The following SMAD1 variants were observed in gnomAD, a reference collection of about 807,000 sequenced individuals.
SMAD1 encodes the protein MAD, mothers against decapentaplegic homolog 1.
In SMAD1, 6 loss-of-function variants were observed where a neutral mutation model predicts 41.6. The ratio of observed to expected loss-of-function variants is 0.14; its 90% CI spans 0.08 to 0.28. The LOEUF (loss-of-function observed/expected upper bound fraction) is 0.28, where lower values mean the gene tolerates loss of function less well. Ranked by LOEUF, SMAD1 falls within the 10% of genes least tolerant of loss-of-function variation. The pLI, the probability that SMAD1 is intolerant of heterozygous loss-of-function variation, is 1.00. For missense variants in SMAD1, 379 were observed against 582.6 expected, an observed-to-expected ratio of 0.65 and a Z score of 3.60; for synonymous variants, 206 against 203.2, an observed-to-expected ratio of 1.01 and a Z score of -0.12.
chr4:145,541,558 G>C (rs536090038), intron 3 of SMAD1, among the ~76,000 whole-genome samples: 1 of 152,176 alleles, frequency 6.6e-6, no homozygotes, highest in Non-Finnish European at 1.5e-5. Context: ...TCCAGAGAAG[G>C]TCCCAGTAGT....
intron 2 of SMAD1, among the ~76,000 whole-genome samples, chr4:145,533,967 G>T (rs1024379241): frequency 1.3e-5 from 2 of 152,152 alleles, no homozygotes; most frequent in African/African-American, 4.8e-5. Flanking sequence ...TGGAGATAGG[G>T]CCTTTAAAAG....
chr4:145,537,533 A>G (rs1397160253), intron 2 of SMAD1, among the ~76,000 whole-genome samples: 10 of 152,160 alleles, frequency 6.6e-5, no homozygotes, highest in Non-Finnish European at 1.5e-5. Context: ...AGTTTTTATA[A>G]CTGCCTCAAA....
chr4:145,506,537 G>A (rs547431050), intron 1 of SMAD1, among the ~76,000 whole-genome samples: 1 of 152,190 alleles, frequency 6.6e-6, no homozygotes, highest in South Asian at 2.1e-4. Context: ...ACTGGTGCAA[G>A]AATTATAAAA....
intron 1 of SMAD1, among the ~76,000 whole-genome samples, chr4:145,507,267 A>G (rs778869497): frequency 5.9e-5 from 9 of 151,992 alleles, no homozygotes; most frequent in Non-Finnish European, 1.2e-4. Context: ...ACGTTTGAAA[A>G]GTTTAGAAAA....
Position 145,482,652 on chromosome 4 carries a change from T to C in SMAD1, c.-177+614T>C, listed in dbSNP as rs886497825. On this transcript the variant is annotated intron_variant, in intron 1 of 6. Transcript: ENST00000302085. The surrounding 1 kb of genome is among the most constrained non-coding windows in gnomAD (Gnocchi z 4.2). The stretch of plus-strand genomic sequence containing the variant: ...TTTCTTCTCGGCCCCAGCAAGCCTC[T>C]TTGGGGTCGAGGTCAAGGAAAGTTC... 3.9e-5 allele frequency: 6 copies of C among 152,118 alleles called. No homozygotes were observed. Among genetic ancestry groups the C allele is most frequent in the African/African-American group, 1.4e-4 (6 of 41,440 alleles). The allele number at this position is 152,118 out of a possible 1,614,324, so 9.4% of individuals were successfully genotyped here.
rs374638932 is a variant in SMAD1 at position 145,515,025 on chromosome 4, A to G, written c.400+12A>G. 5 of 1,586,208 alleles carry G rather than the reference A, an allele frequency of 3.2e-6. No individual in the cohort carries two copies. The highest frequency in any genetic ancestry group is 1.7e-4 in the Middle Eastern group (1 of 5,944). ...AGTAGAAAGCCCTGGTAAGTGAGTT[A>G]TTTTATGTTGATGTGCTTTGTGTGC... is the stretch of plus-strand genomic sequence containing the variant. On this transcript the variant is annotated intron_variant, in intron 2 of 6. Transcript: ENST00000302085.
chr4:145,513,478 G>A (rs1730203214), intron 1 of SMAD1: 1 of 152,140 alleles, frequency 6.6e-6, no homozygotes, highest in African/African-American at 2.4e-5. Context: ...AAAGAATTTG[G>A]TACAGTATGT....
intron 2 of SMAD1, among the ~76,000 whole-genome samples, chr4:145,537,870 T>C (rs1003929839): frequency 1.3e-5 from 2 of 152,182 alleles, no homozygotes; most frequent in Non-Finnish European, 2.9e-5. Context: ...GATGCTCCAC[T>C]AAGTGTTAGG....
At chr4:145,545,564 G>GTA (rs1310208516) in intron 4 of SMAD1, 5 of 149,000 alleles carry the variant, frequency 3.4e-5, no homozygotes, top group Non-Finnish European at 7.4e-5. Flanking sequence ...TTTTTTGTGT[G>GTA]TGTGTGTGTG....
At chr4:145,545,305 C>G (rs1205670739) in intron 4 of SMAD1, 2 of 152,214 alleles carry the variant, frequency 1.3e-5, no homozygotes, top group Non-Finnish European at 2.9e-5. Context: ...TCATCAACCT[C>G]TGACCTAGAT....
intron 1 of SMAD1, among the ~76,000 whole-genome samples, chr4:145,505,298 G>A (rs1729704286): frequency 6.6e-6 from 1 of 152,114 alleles, no homozygotes; most frequent in South Asian, 2.1e-4. Context: ...TCCAAAATTG[G>A]ATGTTAGGAT....
At chr4:145,529,845 G>A (rs1731226661) in intron 2 of SMAD1, among the ~76,000 whole-genome samples, 1 of 152,172 alleles carries the variant, frequency 6.6e-6, no homozygotes, top group Non-Finnish European at 1.5e-5. Flanking sequence ...TTGTCTTCCT[G>A]TACCTAGGCT....
chr4:145,558,164 A>G lies in SMAD1; in HGVS notation c.*230A>G. 2.9e-6 allele frequency: 1 copy of G among 340,414 alleles called. No homozygotes were observed. The highest frequency in any genetic ancestry group is 2.1e-5 in the African/African-American group (1 of 47,582). 21.1% of individuals were successfully genotyped at this position (340,414 alleles called of 1,614,324 possible). A position where few individuals can be genotyped will look rare whatever the true frequency, so the allele number is the denominator to read the frequency against. On this transcript the variant is annotated 3_prime_UTR_variant, in exon 7 of 7. Transcript: ENST00000302085. ...AGTTTACATTGTAACATTCTATTGT[A>G]AAATCAACTAAAATTCAGACTTTTA...
At chr4:145,543,676 A>G (rs1238905091) in intron 4 of SMAD1, among the ~76,000 whole-genome samples, 1 of 152,188 alleles carries the variant, frequency 6.6e-6, no homozygotes, top group African/African-American at 2.4e-5. Flanking sequence ...TTCCAGCTCT[A>G]CATAGGCAAG....
chr4:145,530,733 T>C (rs1731273490), intron 2 of SMAD1, among the ~76,000 whole-genome samples: 1 of 152,132 alleles, frequency 6.6e-6, no homozygotes, highest in Non-Finnish European at 1.5e-5. Context: ...AAAAAGATCT[T>C]GCCCCCAAAA....
intron 2 of SMAD1, among the ~76,000 whole-genome samples, chr4:145,527,121 A>G (rs1731056294): frequency 6.6e-6 from 1 of 152,186 alleles, no homozygotes; most frequent in African/African-American, 2.4e-5. Context: ...CAGAAAAGGA[A>G]TGATATTATT....
intron 1 of SMAD1, among the ~76,000 whole-genome samples, chr4:145,488,581 C>T (rs1728614264): frequency 6.6e-6 from 1 of 151,514 alleles, no homozygotes; most frequent in Non-Finnish European, 1.5e-5. Flanking sequence ...GTTTCAAACA[C>T]TTCAAGAAAA....
intron 2 of SMAD1, among the ~76,000 whole-genome samples, chr4:145,526,843 A>G (rs1731040413): frequency 6.6e-6 from 1 of 152,144 alleles, no homozygotes; most frequent in African/African-American, 2.4e-5. Flanking sequence ...GAAGGGCTGG[A>G]TTGAATTTTG....
chr4:145,550,773 T>C (rs1018098977), intron 5 of SMAD1, among the ~76,000 whole-genome samples: 10 of 152,158 alleles, frequency 6.6e-5, no homozygotes, highest in Non-Finnish European at 1.5e-4. Flanking sequence ...AGGGGAAATA[T>C]CCCCTTCCCA....
Sources: allele counts gnomAD v4.1 joint callset (sites outside exome capture counted in the v4.1 genomes callset), GRCh38; gene constraint gnomAD v4.1.1; non-coding constraint Gnocchi (gnomAD v3.1); transcripts MANE v1.5; gene names NCBI Gene and HGNC (gene_info 2026-07-23, HGNC 2026-07-21).